Variants in ADAMTS16 observed in about 807,000 individuals in gnomAD.
ADAMTS16 encodes ADAM metallopeptidase with thrombospondin type 1 motif 16.
A neutral mutation model predicts 145.8 loss-of-function variants in ADAMTS16; 94 were observed. That is an observed-to-expected ratio of 0.64 (90% CI 0.55 to 0.77). ADAMTS16 has a LOEUF of 0.77. Ranked by LOEUF, ADAMTS16 falls within the 30% of genes least tolerant of loss-of-function variation. ADAMTS16 has a pLI of 0.00. For synonymous variants in ADAMTS16, 659 were observed against 604.3 expected, an observed-to-expected ratio of 1.09 and a Z score of -1.33; for missense variants, 1,585 against 1,591.5, an observed-to-expected ratio of 1.00 and a Z score of 0.07.
intron 10 of ADAMTS16, among the ~76,000 whole-genome samples, chr5:5,215,870 G>GTACA (rs1736420596): frequency 9.8e-6 from 1 of 101,642 alleles, no homozygotes; most frequent in Non-Finnish European, 1.8e-5. Flanking sequence ...GTGTGTATGT[G>GTACA]TATATATATA....
chr5:5,140,852 G>T, intron 2 of ADAMTS16, 86 bp downstream of exon 2: 3 of 1,299,338 alleles, frequency 2.3e-6, no homozygotes, highest in Non-Finnish European at 3.1e-6. Flanking sequence ...TGCTGTGAAT[G>T]TTCACGACTC....
At chr5:5,279,072 C>T (rs1738800832) in intron 18 of ADAMTS16, among the ~76,000 whole-genome samples, 1 of 152,166 alleles carries the variant, frequency 6.6e-6, no homozygotes, top group African/African-American at 2.4e-5. Flanking sequence ...TTCCCCCACA[C>T]AGGCCAATCT....
At chr5:5,272,447 C>T (rs1194683394) in intron 18 of ADAMTS16, among the ~76,000 whole-genome samples, 1 of 150,338 alleles carries the variant, frequency 6.7e-6, no homozygotes, top group Non-Finnish European at 1.5e-5. Context: ...CTGCAAGCGC[C>T]GCCTCCCGAG....
rs564779359 is a variant in ADAMTS16 at position 5,187,943 on chromosome 5, A to G, written c.1047+135A>G. 2.9e-5 allele frequency: 17 copies of G among 586,828 alleles called. No homozygotes were observed. In the Admixed American group the frequency reaches 5.6e-4, roughly 19 times the overall value. The allele number at this position is 586,828 out of a possible 1,614,324, so 36.4% of individuals were successfully genotyped here. On this transcript the variant is annotated intron_variant, in intron 6 of 22. Coordinates refer to ENST00000274181, the MANE Select transcript of ADAMTS16 (RefSeq NM_139056.4). The stretch of plus-strand genomic sequence containing the variant: ...AAAATGTATTTAATATTTTGTGTCT[A>G]CTGCAAATGAGTGTCTTTTCAATCC...
At chr5:5,251,421 T>A (rs1394832397) in intron 17 of ADAMTS16, among the ~76,000 whole-genome samples, 1 of 152,222 alleles carries the variant, frequency 6.6e-6, no homozygotes, top group African/African-American at 2.4e-5. Flanking sequence ...CAACAGACTA[T>A]AAACAAATAA....
At chr5:5,314,710 T>C (rs985531049) in intron 21 of ADAMTS16, among the ~76,000 whole-genome samples, 2 of 152,160 alleles carry the variant, frequency 1.3e-5, no homozygotes, top group African/African-American at 2.4e-5. Flanking sequence ...CACGGGGAAT[T>C]GTAAAACTCT....
chr5:5,170,245 G>C (rs1172983972), intron 3 of ADAMTS16, among the ~76,000 whole-genome samples: 1 of 152,176 alleles, frequency 6.6e-6, no homozygotes, highest in African/African-American at 2.4e-5. Context: ...CCATTTTACT[G>C]AAGTGAGATA....
chr5:5,229,486 C>G (rs1451554871), intron 11 of ADAMTS16, among the ~76,000 whole-genome samples: 1 of 151,884 alleles, frequency 6.6e-6, no homozygotes, highest in Non-Finnish European at 1.5e-5. Flanking sequence ...GCGTGTATAC[C>G]CTTTCTGCAG....
chr5:5,153,149 G>C (rs1049360364), intron 3 of ADAMTS16, among the ~76,000 whole-genome samples: 1 of 152,158 alleles, frequency 6.6e-6, no homozygotes, highest in Non-Finnish European at 1.5e-5. Context: ...TTCTCTAAGG[G>C]GTAATGACTT....
intron 21 of ADAMTS16, among the ~76,000 whole-genome samples, chr5:5,311,075 C>T (rs1740407329): frequency 6.6e-6 from 1 of 152,054 alleles, no homozygotes; most frequent in Admixed American, 6.5e-5. Flanking sequence ...GACCTCAGGG[C>T]CCTGTGCCTC....
At chr5:5,239,444 T>G (rs1232182176) in intron 15 of ADAMTS16, among the ~76,000 whole-genome samples, 170 bp downstream of exon 15, 2 of 152,186 alleles carry the variant, frequency 1.3e-5, no homozygotes, top group Non-Finnish European at 2.9e-5. Context: ...TGGAAGTGGT[T>G]GCTGAGTTAT....
chr5:5,227,483 G>C (rs2964441), intron 11 of ADAMTS16, among the ~76,000 whole-genome samples: 115,556 of 151,828 alleles, frequency 0.76, 44,524 homozygotes, highest in African/African-American at 0.89. Flanking sequence ...GGTCTGTTGT[G>C]TGCCTAAAAT....
At chr5:5,148,343 A>C (rs1734358012) in intron 3 of ADAMTS16, among the ~76,000 whole-genome samples, 1 of 152,242 alleles carries the variant, frequency 6.6e-6, no homozygotes, top group African/African-American at 2.4e-5. Flanking sequence ...GTATCTTTGC[A>C]GAGCCCAGGG....
Position 5,186,165 on chromosome 5 carries a change from G to C in ADAMTS16, c.877G>C (p.Glu293Gln). The change falls in exon 5 of 23, where the codon GAG becomes CAG. Residue 293 changes from glutamate to glutamine, a missense_variant. Coordinates refer to ENST00000274181, the MANE Select transcript of ADAMTS16 (RefSeq NM_139056.4). ...RSHRNEELNV[E>Q]TLVVVDKKMM... ...CCATAGAAATGAAGAACTGAACGTG[G>C]AGACCTTGGTGGTGGTCGACAAAAA... is the stretch of plus-strand genomic sequence containing the variant. 6.2e-7 allele frequency: 1 copy of C among 1,611,540 alleles called. No homozygotes were observed. The highest frequency in any genetic ancestry group is 8.5e-7 in the Non-Finnish European group (1 of 1,179,094).
intron 17 of ADAMTS16, among the ~76,000 whole-genome samples, chr5:5,252,137 C>G (rs1476891972): frequency 6.6e-6 from 1 of 152,206 alleles, no homozygotes; most frequent in Non-Finnish European, 1.5e-5. Context: ...GCGTGAGCCA[C>G]CGTGCCTGGC....
At chr5:5,318,773 A>G (rs1314871501) in intron 22 of ADAMTS16, among the ~76,000 whole-genome samples, 3 of 152,150 alleles carry the variant, frequency 2.0e-5, no homozygotes, top group African/African-American at 7.2e-5. Flanking sequence ...AGAGGCTCCA[A>G]TGGGTAGATG....
chr5:5,311,785 C>T (rs886545872), intron 21 of ADAMTS16, among the ~76,000 whole-genome samples: 1 of 151,062 alleles, frequency 6.6e-6, no homozygotes, highest in African/African-American at 2.4e-5. Flanking sequence ...GGCCCAATCT[C>T]GGCTCACTGC....
intron 18 of ADAMTS16, among the ~76,000 whole-genome samples, chr5:5,263,586 T>A (rs866812278): frequency 1.3e-5 from 2 of 152,194 alleles, no homozygotes; most frequent in African/African-American, 4.8e-5. Context: ...ATCCAGCTGG[T>A]CACTCTGAAG....
chr5:5,237,941 T>A (rs1244640434), intron 14 of ADAMTS16, among the ~76,000 whole-genome samples: 1 of 152,158 alleles, frequency 6.6e-6, no homozygotes, highest in East Asian at 1.9e-4. Context: ...ATGTAGACAA[T>A]GGGGTTTCAA....
Sources: gnomAD v4.1 joint callset for allele counts (sites outside exome capture counted in the v4.1 genomes callset) on GRCh38, gnomAD v4.1.1 for gene constraint, MANE v1.5 for transcripts, NCBI Gene and HGNC (gene_info 2026-07-23, HGNC 2026-07-21) for gene names.